NTM: variants seen among roughly 807,000 people sequenced by gnomAD.
NTM encodes the protein IgLON family member 2.
Under a neutral mutation model 42.1 loss-of-function variants are expected in NTM, and 13 were observed. That is an observed-to-expected ratio of 0.31 (90% confidence interval 0.20 to 0.49). The LOEUF (loss-of-function observed/expected upper bound fraction) is 0.49. NTM is among the 20% of genes least tolerant of loss of function. The pLI is 0.99. For synonymous variants in NTM, 187 were observed against 179.2 expected (o/e 1.04, Z -0.35); for missense variants, 373 against 452.8 (o/e 0.82, Z 1.60).
intron 1 of NTM, among the ~76,000 whole-genome samples, chr11:131,587,081 A>G (rs1044115573): frequency 6.6e-6 from 1 of 152,322 alleles, no homozygotes; most frequent in South Asian, 2.1e-4. Context: ...CGTGACTTGC[A>G]TTGTATTATC....
intron 1 of NTM, among the ~76,000 whole-genome samples, chr11:131,419,139 A>T (rs1382319895): frequency 6.9e-6 from 1 of 144,064 alleles, no homozygotes. Context: ...AGTTGAAGCT[A>T]AGTATACCTT....
intron 7 of NTM, among the ~76,000 whole-genome samples, chr11:132,317,449 AATATGGAAAC>A (rs2136212218): frequency 6.6e-6 from 1 of 152,244 alleles, no homozygotes; most frequent in South Asian, 2.1e-4. Flanking sequence ...CACGGCATTC[AATATGGAAAC>A]ATAAAGCATG....
At chr11:131,485,478 T>G (rs1591803138) in intron 1 of NTM, among the ~76,000 whole-genome samples, 1 of 152,086 alleles carries the variant, frequency 6.6e-6, no homozygotes, top group Non-Finnish European at 1.5e-5. Flanking sequence ...ATGTTCGAGG[T>G]GAGGTCAAAA....
intron 1 of NTM, among the ~76,000 whole-genome samples, chr11:131,778,218 C>T (rs2087411885): frequency 6.6e-6 from 1 of 152,182 alleles, no homozygotes. Context: ...GTAGCTGAAA[C>T]CCGTGGTGAT....
At chr11:131,740,508 G>A (rs1591533757) in intron 1 of NTM, among the ~76,000 whole-genome samples, 1 of 152,178 alleles carries the variant, frequency 6.6e-6, no homozygotes, top group African/African-American at 2.4e-5. Context: ...ATTAAACGAT[G>A]TGTGTCATTT....
intron 4 of NTM, among the ~76,000 whole-genome samples, chr11:132,220,992 C>T (rs900522323): frequency 6.6e-6 from 1 of 152,176 alleles, no homozygotes; most frequent in Non-Finnish European, 1.5e-5. Flanking sequence ...AACCAGGGTA[C>T]CTCCTCGAGT....
At chr11:132,329,119 G>C (rs898141529) in intron 7 of NTM, among the ~76,000 whole-genome samples, 2 of 152,186 alleles carry the variant, frequency 1.3e-5, no homozygotes, top group African/African-American at 2.4e-5. Context: ...ATCTGACTTT[G>C]AGCAAATGTT....
At chr11:131,762,282 T>C (rs2084337169) in intron 1 of NTM, among the ~76,000 whole-genome samples, 1 of 152,158 alleles carries the variant, frequency 6.6e-6, no homozygotes, top group Admixed American at 6.5e-5. Context: ...GTTCCTATGG[T>C]CCCAGGATTG....
At position 131,965,726 on chromosome 11, in the gene NTM, A is replaced by G. The variant is rs190488009; in HGVS notation, c.167+54078A>G. 4.2e-3 allele frequency among the ~76,000 whole-genome samples: 647 copies of G among 152,272 alleles called. 4 individuals are homozygous for G. Among genetic ancestry groups the G allele is most frequent in the African/African-American group, 0.015 (611 of 41,558 alleles). On this transcript the variant is annotated intron_variant, in intron 2 of 8. Transcript: ENST00000683400. Reference sequence around the variant, plus strand: ...TCACTGTCTCAGGCTGCCGCCCAGAAAGGCAAACATTGGAGTGATTTATTC... The same window carrying G: ...TCACTGTCTCAGGCTGCCGCCCAGAGAGGCAAACATTGGAGTGATTTATTC...
intron 2 of NTM, among the ~76,000 whole-genome samples, chr11:132,108,646 C>G (rs1328054244): frequency 6.6e-6 from 1 of 151,908 alleles, no homozygotes; most frequent in African/African-American, 2.4e-5. Context: ...ATCCATGAAA[C>G]CGAATGTCAC....
At chr11:131,909,806 G>A (rs561704455) in intron 1 of NTM, 1 of 152,184 alleles carries the variant, frequency 6.6e-6, no homozygotes, top group Non-Finnish European at 1.5e-5. Flanking sequence ...GTCTCTCCCC[G>A]GGTTTCAAGA....
chr11:131,632,820 A>G (rs1030288181), intron 1 of NTM, among the ~76,000 whole-genome samples: 1 of 150,612 alleles, frequency 6.6e-6, no homozygotes, highest in Non-Finnish European at 1.5e-5. Context: ...GACTACAGGC[A>G]CGTGCCACCA....
chr11:132,187,887 G>A (rs896997605), intron 3 of NTM, among the ~76,000 whole-genome samples: 4 of 152,186 alleles, frequency 2.6e-5, no homozygotes, highest in Admixed American at 6.5e-5. Context: ...AGAGTGATAC[G>A]TAGGAGAAAC....
intron 1 of NTM, among the ~76,000 whole-genome samples, chr11:131,646,196 A>G (rs2065752089): frequency 6.6e-6 from 1 of 152,204 alleles, no homozygotes; most frequent in Non-Finnish European, 1.5e-5. Flanking sequence ...AAGTGTCATA[A>G]AAACACAGCC....
intron 1 of NTM, among the ~76,000 whole-genome samples, chr11:131,458,335 T>G (rs1008126778): frequency 6.6e-6 from 1 of 152,156 alleles, no homozygotes; most frequent in Non-Finnish European, 1.5e-5. Flanking sequence ...GCCTTCCTGA[T>G]GCAGTGATGG....
At chr11:131,372,031 TCTC>T (rs1195356476) in intron 1 of NTM, among the ~76,000 whole-genome samples, 1 of 152,176 alleles carries the variant, frequency 6.6e-6, no homozygotes, top group Admixed American at 6.5e-5. Context: ...AATATGGAGT[TCTC>T]CTGATCTGGA....
chr11:131,951,793 GC>G (rs1332494052), intron 2 of NTM, among the ~76,000 whole-genome samples: 4 of 130,938 alleles, frequency 3.1e-5, no homozygotes, highest in African/African-American at 8.9e-5. Flanking sequence ...CTGTACTCCA[GC>G]CTGGGTGACA....
intron 2 of NTM, among the ~76,000 whole-genome samples, chr11:132,109,848 G>A (rs1192992809): frequency 1.3e-5 from 2 of 152,076 alleles, no homozygotes; most frequent in African/African-American, 4.8e-5. Context: ...TGTGCCTTTG[G>A]CATCCTCATA....
rs66611053 is a variant in NTM at position 131,598,782 on chromosome 11, CTTCT to C, written c.82+227909_82+227912del. 4.0e-4 allele frequency among the ~76,000 whole-genome samples: 24 copies of C among 59,810 alleles called. 3 individuals are homozygous for C. The highest frequency in any genetic ancestry group is 1.2e-3 in the East Asian group (2 of 1,644). The allele number at this position is 59,810 out of a possible 152,430, so 39.2% of individuals were successfully genotyped here. ...TCTTTCTTTTTTTCTTTCTTTCTTT[CTTCT>C]TTCTTTCTTTCTTTTTCTTTCTTTC... is the stretch of plus-strand genomic sequence containing the variant. On this transcript the variant is annotated intron_variant, in intron 1 of 8. Transcript: ENST00000683400.
Sources: allele counts gnomAD v4.1 joint callset (sites outside exome capture counted in the v4.1 genomes callset), GRCh38; gene constraint gnomAD v4.1.1; transcripts MANE v1.5; gene names NCBI Gene and HGNC (gene_info 2026-07-23, HGNC 2026-07-21).